The following ADAMTS19 variants were observed in gnomAD, a reference collection of about 807,000 sequenced individuals.
ADAMTS19 encodes ADAM metallopeptidase with thrombospondin type 1 motif 19.
A neutral mutation model predicts 153.3 loss-of-function variants in ADAMTS19; 93 were observed. That is an observed-to-expected ratio of 0.61 (90% CI 0.51 to 0.72). The LOEUF (loss-of-function observed/expected upper bound fraction) is 0.72, where lower values mean the gene tolerates loss of function less well. Ranked by LOEUF, ADAMTS19 falls within the 30% of genes least tolerant of loss-of-function variation. The pLI is 0.00. For synonymous variants in ADAMTS19, 600 were observed against 556.6 expected (o/e 1.08, Z -1.10); for missense variants, 1,482 against 1,552.1 (o/e 0.95, Z 0.76).
Position 129,460,634 on chromosome 5 carries a change from C to T in ADAMTS19, c.91+152C>T, listed in dbSNP as rs557560918. On this transcript the variant is annotated intron_variant, in intron 1 of 22. Coordinates refer to ENST00000274487, the MANE Select transcript of ADAMTS19 (RefSeq NM_133638.6). ...GAGCTTGAGGTGCAGGTTAAGGGGT[C>T]AAGTTCGGAAATGAAGCACACTTCT... is the stretch of plus-strand genomic sequence containing the variant. 8.9e-6 allele frequency: 7 copies of T among 782,826 alleles called. No homozygotes were observed. In the African/African-American group the frequency reaches 1.2e-4, roughly 13 times the overall value. 48.5% of individuals were successfully genotyped at this position (782,826 alleles called of 1,614,324 possible).
In ADAMTS19 at chr5:129,658,327, AAGAAAGAAAGAAAGAAAGAAAG is replaced by A. The variant is rs1297210407; in HGVS notation, c.2305-288_2305-267del. Among the ~76,000 whole-genome samples, 32 of 117,030 alleles carry A rather than the reference AAGAAAGAAAGAAAGAAAGAAAG, an allele frequency of 2.7e-4. 1 individual carries two copies. In the East Asian group the frequency reaches 4.9e-3, roughly 18 times the overall value. The allele number at this position is 117,030 out of a possible 152,430, so 76.8% of individuals were successfully genotyped here. A position where few individuals can be genotyped will look rare whatever the true frequency, so the allele number is the denominator to read the frequency against. On this transcript the variant is annotated intron_variant, in intron 14 of 22. Transcript: ENST00000274487. ...AGAAAGAAAAAGAAAGAAAGAAAGA[AAGAAAGAAAGAAAGAAAGAAAG>A]AAAGAAAGAAAGAAAGAAAGAGAGA...
chr5:129,554,169 T>C (rs1195819979), intron 7 of ADAMTS19, among the ~76,000 whole-genome samples: 2 of 152,124 alleles, frequency 1.3e-5, no homozygotes, highest in Non-Finnish European at 2.9e-5. Context: ...TGAGCATCTA[T>C]GGATTTTGGA....
At chr5:129,502,221 A>G (rs147580685) in intron 2 of ADAMTS19, among the ~76,000 whole-genome samples, 129 of 152,288 alleles carry the variant, frequency 8.5e-4, no homozygotes, top group African/African-American at 3.0e-3. Flanking sequence ...GCAAGGATCA[A>G]ATGCCGCAGA....
At chr5:129,655,277 G>GA (rs1753495999) in intron 14 of ADAMTS19, among the ~76,000 whole-genome samples, 1 of 152,144 alleles carries the variant, frequency 6.6e-6, no homozygotes, top group Non-Finnish European at 1.5e-5. Flanking sequence ...ATTTTGGTGA[G>GA]AAAATCAGGC....
intron 7 of ADAMTS19, among the ~76,000 whole-genome samples, chr5:129,590,540 T>C (rs1750078205): frequency 6.6e-6 from 1 of 152,202 alleles, no homozygotes; most frequent in Non-Finnish European, 1.5e-5. Context: ...AAACTGCACG[T>C]TAAGAGTGTT....
At chr5:129,559,494 T>C (rs756633773) in intron 7 of ADAMTS19, among the ~76,000 whole-genome samples, 1 of 152,104 alleles carries the variant, frequency 6.6e-6, no homozygotes, top group Non-Finnish European at 1.5e-5. Flanking sequence ...GAAATTAAAA[T>C]CTTACATTAT....
At chr5:129,516,905 T>A (rs111611473) in intron 3 of ADAMTS19, among the ~76,000 whole-genome samples, 12,651 of 148,376 alleles carry the variant, frequency 0.085, 588 homozygotes, top group Middle Eastern at 0.15. Context: ...TTTTTTTTTT[T>A]CGATGTAGGC....
At position 129,664,545 on chromosome 5, in the gene ADAMTS19, G is replaced by C. The variant is rs145108588; in HGVS notation, c.2426-954G>C. Among the ~76,000 whole-genome samples the C allele has an allele frequency of 2.4e-3, 366 of 152,030 alleles. 1 individual carries two copies. Among genetic ancestry groups the C allele is most frequent in the African/African-American group, 8.6e-3 (355 of 41,478 alleles). ...CACTAATTCCAGCCACTACCACCAG[G>C]GGGGGTATATGCTACCTTTTGGTAT... On this transcript the variant is annotated intron_variant, in intron 15 of 22. Coordinates refer to ENST00000274487, the MANE Select transcript of ADAMTS19 (RefSeq NM_133638.6).
chr5:129,678,896 A>G (rs1754669668), intron 16 of ADAMTS19, among the ~76,000 whole-genome samples: 2 of 152,210 alleles, frequency 1.3e-5, no homozygotes, highest in South Asian at 4.1e-4. Flanking sequence ...GTTTTCATGT[A>G]ATTTTGACAT....
intron 15 of ADAMTS19, 131 bp from the exon 16 acceptor site, chr5:129,665,367 AT>A (rs1554104035): frequency 5.1e-6 from 3 of 593,906 alleles, no homozygotes; most frequent in Non-Finnish European, 8.3e-6. Context: ...ATATATAAAA[AT>A]TTTTCTTTAC....
At chr5:129,636,889 A>G (rs769702699) in intron 10 of ADAMTS19, among the ~76,000 whole-genome samples, 2 of 152,154 alleles carry the variant, frequency 1.3e-5, no homozygotes, top group Non-Finnish European at 2.9e-5. Flanking sequence ...CTTTTTCTTA[A>G]AGAACATCAT....
chr5:129,550,713 C>CAT (rs76560727), intron 6 of ADAMTS19, among the ~76,000 whole-genome samples: 4 of 150,836 alleles, frequency 2.7e-5, no homozygotes, highest in African/African-American at 4.9e-5. Context: ...AATTTTAAGT[C>CAT]TTTTTTTTAT....
At chr5:129,716,744 C>T (rs1364320438) in intron 21 of ADAMTS19, among the ~76,000 whole-genome samples, 1 of 151,640 alleles carries the variant, frequency 6.6e-6, no homozygotes, top group Non-Finnish European at 1.5e-5. Context: ...ATTAGAGTAA[C>T]AGTTTCCTTA....
chr5:129,623,044 T>A (rs1003465460), intron 10 of ADAMTS19, among the ~76,000 whole-genome samples: 1 of 152,186 alleles, frequency 6.6e-6, no homozygotes, highest in African/African-American at 2.4e-5. Context: ...TGCAATAATA[T>A]GAACATGTAA....
At chr5:129,736,090 G>C (rs1757651823) in intron 22 of ADAMTS19, among the ~76,000 whole-genome samples, 1 of 151,972 alleles carries the variant, frequency 6.6e-6, no homozygotes, top group African/African-American at 2.4e-5. Flanking sequence ...GAAATAATGA[G>C]TTCAAGGTGA....
intron 16 of ADAMTS19, among the ~76,000 whole-genome samples, chr5:129,675,077 T>A (rs1035418665): frequency 6.6e-6 from 1 of 152,162 alleles, no homozygotes; most frequent in African/African-American, 2.4e-5. Context: ...TATTTTATCA[T>A]CTTCTGGCTT....
At chr5:129,548,048 G>A (rs1427310432) in intron 6 of ADAMTS19, among the ~76,000 whole-genome samples, 12 of 150,560 alleles carry the variant, frequency 8.0e-5, no homozygotes, top group Admixed American at 6.6e-5. Flanking sequence ...AGACTTAAAC[G>A]TTAGAACTAA....
intron 6 of ADAMTS19, among the ~76,000 whole-genome samples, chr5:129,534,389 C>T (rs1752332477): frequency 6.6e-6 from 1 of 152,134 alleles, no homozygotes; most frequent in South Asian, 2.1e-4. Context: ...AGTTGAATCT[C>T]TGAATAGACC....
intron 7 of ADAMTS19, among the ~76,000 whole-genome samples, chr5:129,561,767 T>C (rs1191452351): frequency 1.3e-5 from 2 of 152,116 alleles, no homozygotes; most frequent in Non-Finnish European, 2.9e-5. Flanking sequence ...GATTGGAATA[T>C]ATTAGTTCAC....
Sources: gnomAD v4.1 joint callset for allele counts (sites outside exome capture counted in the v4.1 genomes callset) on GRCh38, gnomAD v4.1.1 for gene constraint, MANE v1.5 for transcripts, NCBI Gene and HGNC (gene_info 2026-07-23, HGNC 2026-07-21) for gene names.